INPP5A: variants seen among roughly 807,000 people sequenced by gnomAD.
INPP5A encodes the protein 43 kDa inositol polyphosphate 5-phophatase.
INPP5A carries 14 observed loss-of-function variants against 65.2 expected under a neutral mutation model. The ratio of observed to expected loss-of-function variants is 0.21; its 90% CI spans 0.14 to 0.34. INPP5A has a LOEUF of 0.34. Ranked by LOEUF, INPP5A falls within the 10% of genes least tolerant of loss-of-function variation. The pLI is 1.00. For synonymous variants in INPP5A, 207 were observed against 208.3 expected (o/e 0.99, Z 0.05); for missense variants, 431 against 545.6 (o/e 0.79, Z 2.09).
At chr10:132,768,379 G>A (rs1222279129) in intron 12 of INPP5A, among the ~76,000 whole-genome samples, 4 of 150,544 alleles carry the variant, frequency 2.7e-5, no homozygotes, top group South Asian at 2.1e-4. Flanking sequence ...AGGTGCTCAC[G>A]CGCCCAGTGG....
intron 7 of INPP5A, among the ~76,000 whole-genome samples, chr10:132,709,477 C>T (rs895934153): frequency 6.6e-6 from 1 of 152,038 alleles, no homozygotes; most frequent in African/African-American, 2.4e-5. Flanking sequence ...GTCCCGTGCC[C>T]ACCCCAGGCA....
intron 1 of INPP5A, among the ~76,000 whole-genome samples, chr10:132,590,283 C>T (rs943181834): frequency 3.9e-5 from 6 of 152,002 alleles, no homozygotes; most frequent in African/African-American, 1.4e-4. Context: ...GTGACGCCGT[C>T]CTGTGTGGGG....
At chr10:132,579,358 C>A (rs1313538436) in intron 1 of INPP5A, among the ~76,000 whole-genome samples, 1 of 152,028 alleles carries the variant, frequency 6.6e-6, no homozygotes, top group Non-Finnish European at 1.5e-5. Context: ...GCATGAACTC[C>A]GTTTTCCTCC....
At chr10:132,679,993 A>T (rs1196495706) in intron 4 of INPP5A, among the ~76,000 whole-genome samples, 2 of 152,212 alleles carry the variant, frequency 1.3e-5, no homozygotes, top group South Asian at 2.1e-4. Context: ...TAAAACTATA[A>T]AACTTTTAGA....
rs1396903061 is a variant in INPP5A, at chr10:132,710,400, A to G, written c.591A>G (p.Thr197=). Residue 197 remains threonine (T), a synonymous_variant, in exon 8 of 16, where the codon ACA becomes ACG. Coordinates refer to ENST00000368594, the MANE Select transcript of INPP5A (RefSeq NM_005539.5). ...CTTCCAATCTGGTCGCCTGGGAAAC[A>G]AGCCCTTCCGTGTACTCGGGAATCC... is the stretch of plus-strand genomic sequence containing the variant. ...HDASNLVAWE[T]SPSVYSGIRH... 1.2e-6 allele frequency: 2 copies of G among 1,614,168 alleles called. No homozygotes were observed. Among genetic ancestry groups the G allele is most frequent in the East Asian group, 4.5e-5 (2 of 44,880 alleles).
At chr10:132,596,681 T>C (rs916078778) in intron 1 of INPP5A, among the ~76,000 whole-genome samples, 2 of 152,158 alleles carry the variant, frequency 1.3e-5, no homozygotes, top group Admixed American at 6.5e-5. Context: ...CCACCCTCCT[T>C]GGCCTCCCAA....
chr10:132,733,280 C>T (rs1846118682), intron 9 of INPP5A, among the ~76,000 whole-genome samples: 1 of 152,232 alleles, frequency 6.6e-6, no homozygotes, highest in South Asian at 2.1e-4. Context: ...GAACATGAAT[C>T]TGGGGGCACA....
rs1472112579 is a variant in INPP5A, at chr10:132,616,598, A to T, written c.117+8642A>T. 2.0e-5 allele frequency among the ~76,000 whole-genome samples: 3 copies of T among 151,096 alleles called. No individual in the cohort carries two copies. The highest frequency in any genetic ancestry group is 4.4e-5 in the Non-Finnish European group (3 of 67,716). ...ATAGGGGATGGGGTGGTGACATGGG[A>T]TGTGGTTTTGGGGTTGCAGTGGTGA... On this transcript the variant is annotated intron_variant, in intron 2 of 15. Coordinates refer to ENST00000368594, the MANE Select transcript of INPP5A (RefSeq NM_005539.5). This position sits in a 1 kb window ranked among gnomAD's most constrained non-coding sequence, Gnocchi z 4.9.
chr10:132,748,196 G>A lies in INPP5A; in HGVS notation c.733-1321G>A, dbSNP rs757569840. 1.3e-4 allele frequency among the ~76,000 whole-genome samples: 19 copies of A among 151,298 alleles called. 1 individual carries two copies. Among genetic ancestry groups the A allele is most frequent in the African/African-American group, 4.1e-4 (17 of 40,998 alleles). The stretch of plus-strand genomic sequence containing the variant: ...CCCAGTCAGTTCCCTCCCGGCCCCC[G>A]CAGTCTCCTTGCTGCCTCTGTCTCT... On this transcript the variant is annotated intron_variant, in intron 9 of 15. Coordinates refer to ENST00000368594, the MANE Select transcript of INPP5A (RefSeq NM_005539.5).
intron 9 of INPP5A, among the ~76,000 whole-genome samples, chr10:132,735,812 G>A (rs546473473): frequency 4.0e-4 from 61 of 152,362 alleles, no homozygotes; most frequent in South Asian, 1.2e-3. Flanking sequence ...GAGTTCAGGG[G>A]CAGGGTGTCT....
intron 6 of INPP5A, among the ~76,000 whole-genome samples, chr10:132,703,691 G>A (rs1343516984): frequency 5.7e-5 from 3 of 52,842 alleles, no homozygotes; most frequent in African/African-American, 8.6e-5. Context: ...CACCCCCGCA[G>A]ACACATGCGG....
At chr10:132,761,807 C>T (rs766757592) in intron 11 of INPP5A, among the ~76,000 whole-genome samples, 14 of 152,126 alleles carry the variant, frequency 9.2e-5, no homozygotes, top group Non-Finnish European at 1.9e-4. Context: ...GGACACATTC[C>T]ACAGATAGCA....
intron 1 of INPP5A, among the ~76,000 whole-genome samples, chr10:132,577,231 G>A (rs921483211): frequency 6.6e-6 from 1 of 151,904 alleles, no homozygotes; most frequent in South Asian, 2.1e-4. Context: ...CTCCCCCCCG[G>A]CACGCCGCCC....
In INPP5A at chr10:132,782,271, A is replaced by G. The variant is rs61860784; in HGVS notation, c.*242A>G. The G allele has an allele frequency of 1.3e-5, 5 of 394,118 alleles. No homozygotes were observed. Among genetic ancestry groups the G allele is most frequent in the African/African-American group, 2.2e-5 (1 of 46,126 alleles). 24.4% of individuals were successfully genotyped at this position (394,118 alleles called of 1,614,324 possible). On this transcript the variant is annotated 3_prime_UTR_variant, in exon 16 of 16. Transcript: ENST00000368594. This position sits in a 1 kb window ranked among gnomAD's most constrained non-coding sequence, Gnocchi z 4.4. Reference sequence around the variant, plus strand: ...ATTGGTTTTTTTTTTTTTTTTTTAAATAAGTCACAGTCCTGTTGTCAAAAC... The same window carrying G: ...ATTGGTTTTTTTTTTTTTTTTTTAAGTAAGTCACAGTCCTGTTGTCAAAAC...
In INPP5A at chr10:132,705,780, G is replaced by A. The variant is rs1008160234; in HGVS notation, c.475-2533G>A. Among the ~76,000 whole-genome samples the A allele has an allele frequency of 8.5e-5, 13 of 152,182 alleles. No individual in the cohort carries two copies. Among genetic ancestry groups the A allele is most frequent in the African/African-American group, 3.1e-4 (13 of 41,434 alleles). On this transcript the variant is annotated intron_variant, in intron 6 of 15. Transcript: ENST00000368594. The surrounding 1 kb of genome is among the most constrained non-coding windows in gnomAD (Gnocchi z 4.9). ...TCTGTGGGTGCCTCAGTATCACTGG[G>A]GAGCAGAGAGCCCAGACCTTTTACA...
At chr10:132,609,741 T>C (rs187255995) in intron 2 of INPP5A, among the ~76,000 whole-genome samples, 1,956 of 152,256 alleles carry the variant, frequency 0.013, 22 homozygotes, top group Middle Eastern at 0.027. Context: ...ACCTCCCGGG[T>C]TCACGCCATT....
chr10:132,761,505 C>T (rs1424778847), intron 11 of INPP5A, among the ~76,000 whole-genome samples: 3 of 151,056 alleles, frequency 2.0e-5, no homozygotes, highest in Non-Finnish European at 4.4e-5. Flanking sequence ...AGGTGAGCAG[C>T]ACCTGTGGGG....
At chr10:132,693,878 C>T (rs148516227) in intron 5 of INPP5A, among the ~76,000 whole-genome samples, 163 of 152,182 alleles carry the variant, frequency 1.1e-3, no homozygotes, top group African/African-American at 3.7e-3. Context: ...GTCAAATACA[C>T]AAGGCAAACC....
intron 5 of INPP5A, among the ~76,000 whole-genome samples, chr10:132,693,466 T>C (rs1367681509): frequency 6.6e-6 from 1 of 152,030 alleles, no homozygotes; most frequent in African/African-American, 2.4e-5. Flanking sequence ...AGATAAGGGA[T>C]GGAGGAAGGT....
Sources: gnomAD v4.1 joint callset for allele counts (sites outside exome capture counted in the v4.1 genomes callset) on GRCh38, gnomAD v4.1.1 for gene constraint, Gnocchi (gnomAD v3.1) non-coding constraint, MANE v1.5 for transcripts, NCBI Gene and HGNC (gene_info 2026-07-23, HGNC 2026-07-21) for gene names.